The following KREMEN1 variants were observed in gnomAD, a reference collection of about 807,000 sequenced individuals.
KREMEN1 encodes kremen protein 1.
Under a neutral mutation model 46.5 loss-of-function variants are expected in KREMEN1, and 30 were observed. The observed-to-expected ratio is 0.65, with a 90% confidence interval of 0.48 to 0.88. The LOEUF is 0.88. KREMEN1 is among the 40% of genes least tolerant of loss of function. The pLI is 0.00. For missense variants in KREMEN1, 533 were observed against 596.9 expected (o/e 0.89, Z 1.11); for synonymous variants, 214 against 230.6 (o/e 0.93, Z 0.65).
At chr22:29,097,193 C>T (rs750985180) in intron 2 of KREMEN1, among the ~76,000 whole-genome samples, 6 of 152,226 alleles carry the variant, frequency 3.9e-5, no homozygotes, top group Non-Finnish European at 8.8e-5. Flanking sequence ...CCGGCCTAAC[C>T]GGAGTGTCAG....
At position 29,094,342 on chromosome 22, in the gene KREMEN1, A is replaced by G; in HGVS notation, c.182A>G (p.Asn61Ser). ...GGCGGGAAGCCATGTCTGTTTTGGA[A>G]CGAGACTTTCCAGCATCCATACAAC... ...LQGGKPCLFW[N>S]ETFQHPYNTL... The change falls in exon 2 of 9, where the codon AAC (asparagine) becomes AGC (serine). Residue 61 changes from asparagine to serine, a missense_variant. Physicochemically the swap from Asn to Ser is conservative, Grantham distance 46. Transcript: ENST00000400335. The G allele has an allele frequency of 2.5e-6, 4 of 1,614,132 alleles. No homozygotes were observed. The highest frequency in any genetic ancestry group is 2.5e-6 in the Non-Finnish European group (3 of 1,179,986).
chr22:29,124,492 C>CT (rs376062297), intron 4 of KREMEN1, among the ~76,000 whole-genome samples: 191 of 143,514 alleles, frequency 1.3e-3, no homozygotes, highest in Non-Finnish European at 1.3e-3. Context: ...TTGCACAAAT[C>CT]TTTTTTTTTT....
chr22:29,126,196 G>A (rs563291320), intron 5 of KREMEN1, among the ~76,000 whole-genome samples: 19 of 151,770 alleles, frequency 1.3e-4, no homozygotes, highest in South Asian at 2.1e-4. Context: ...GAGGAGGTGC[G>A]CTACTGGCAT....
intron 1 of KREMEN1, among the ~76,000 whole-genome samples, chr22:29,077,639 T>C (rs1434689918): frequency 2.0e-5 from 3 of 152,256 alleles, no homozygotes; most frequent in Non-Finnish European, 4.4e-5. Context: ...TTTAAAATTA[T>C]AGATTTTTTA....
In KREMEN1 at chr22:29,145,556, T is replaced by A. The variant is rs1318469915; in HGVS notation, c.*3444T>A. On this transcript the variant is annotated 3_prime_UTR_variant, in exon 9 of 9. Transcript: ENST00000400335. ...CCGTGGTGACAGTGTCTTGGCCAGCTGTGGCCCCTAGTTTCTAGCAGCGTT... is the reference window on the plus strand; with the variant it reads ...CCGTGGTGACAGTGTCTTGGCCAGCAGTGGCCCCTAGTTTCTAGCAGCGTT... The A allele has an allele frequency of 6.1e-6, 6 of 985,430 alleles. No individual in the cohort carries two copies. Among genetic ancestry groups the A allele is most frequent in the Admixed American group, 6.1e-5 (1 of 16,272 alleles). The allele number at this position is 985,430 out of a possible 1,614,324, so 61.0% of individuals were successfully genotyped here.
In KREMEN1 at chr22:29,100,810, G is replaced by A. The variant is rs117422425; in HGVS notation, c.352+1857G>A. 4.2e-3 allele frequency among the ~76,000 whole-genome samples: 635 copies of A among 152,330 alleles called. 5 individuals are homozygous for A. Among genetic ancestry groups the A allele is most frequent in the Middle Eastern group, 0.01 (3 of 294 alleles). ...TTGTCTCCTTCCAGTGGGACAAAAT[G>A]TGGAGGTGGAAGACAGTGATATTGA... On this transcript the variant is annotated intron_variant, in intron 3 of 8. Transcript: ENST00000400335.
chr22:29,165,140 T>C (rs924962443), intron 9 of KREMEN1, among the ~76,000 whole-genome samples: 1 of 151,816 alleles, frequency 6.6e-6, no homozygotes, highest in South Asian at 2.1e-4. Context: ...GCCATTGCAC[T>C]CCAGCCTGGG....
At chr22:29,130,748 T>C (rs1475456887) in intron 5 of KREMEN1, among the ~76,000 whole-genome samples, 1 of 152,176 alleles carries the variant, frequency 6.6e-6, no homozygotes, top group Non-Finnish European at 1.5e-5. Context: ...AGCAGGAAGA[T>C]TGAAGAGAAT....
intron 3 of KREMEN1, among the ~76,000 whole-genome samples, chr22:29,102,353 G>A (rs1275924342): frequency 6.6e-6 from 1 of 152,192 alleles, no homozygotes; most frequent in Non-Finnish European, 1.5e-5. Context: ...AAGACCAGAA[G>A]AATGGGCTTT....
In KREMEN1 at chr22:29,142,979, G is replaced by A. The variant is rs899250760; in HGVS notation, c.*867G>A. ...AGCCTGGCCAACATGGTGAAACCCCGTCTCTACTAAAAATATAAAAATTAG... is the reference window on the plus strand; with the variant it reads ...AGCCTGGCCAACATGGTGAAACCCCATCTCTACTAAAAATATAAAAATTAG... On this transcript the variant is annotated 3_prime_UTR_variant, in exon 9 of 9. Transcript: ENST00000400335. 3.5e-6 allele frequency: 2 copies of A among 574,312 alleles called. No individual in the cohort carries two copies. Among genetic ancestry groups the A allele is most frequent in the African/African-American group, 2.0e-5 (1 of 49,216 alleles). The allele number at this position is 574,312 out of a possible 1,614,324, so 35.6% of individuals were successfully genotyped here. A position where few individuals can be genotyped will look rare whatever the true frequency, so the allele number is the denominator to read the frequency against.
intron 9 of KREMEN1, chr22:29,166,941 A>T: frequency 1.1e-6 from 1 of 932,988 alleles, no homozygotes; most frequent in Non-Finnish European, 1.7e-6. Flanking sequence ...TCAAAAACAA[A>T]ACAAAAGAGA....
intron 3 of KREMEN1, among the ~76,000 whole-genome samples, chr22:29,102,482 C>T (rs1323910821): frequency 6.6e-6 from 1 of 152,170 alleles, no homozygotes; most frequent in Non-Finnish European, 1.5e-5. Flanking sequence ...ATTTGTTCAA[C>T]ACAAAGATAG....
intron 5 of KREMEN1, among the ~76,000 whole-genome samples, chr22:29,131,560 A>ATATATATGTGTGTG (rs1240832937): frequency 1.0e-4 from 7 of 69,932 alleles, no homozygotes; most frequent in African/African-American, 2.5e-4. Flanking sequence ...ATATATATAT[A>ATATATATGTGTGTG]TGTGTGTGTG....
intron 9 of KREMEN1, among the ~76,000 whole-genome samples, chr22:29,163,934 A>G (rs2039032717): frequency 6.6e-6 from 1 of 151,798 alleles, no homozygotes; most frequent in African/African-American, 2.4e-5. Context: ...AAGTTGAAAA[A>G]AAAAACGAGG....
intron 1 of KREMEN1, among the ~76,000 whole-genome samples, chr22:29,074,143 G>A (rs577204023): frequency 3.3e-5 from 5 of 152,370 alleles, no homozygotes; most frequent in South Asian, 2.1e-4. Context: ...TCTGCCTCGC[G>A]AGGAACGGGA....
In KREMEN1 at chr22:29,073,091, T is replaced by G; in HGVS notation, c.-40T>G. 1.4e-6 allele frequency: 1 copy of G among 699,218 alleles called. No homozygotes were observed. Among genetic ancestry groups the G allele is most frequent in the Non-Finnish European group, 1.8e-6 (1 of 567,964 alleles). The allele number at this position is 699,218 out of a possible 1,614,324, so 43.3% of individuals were successfully genotyped here. ...CCCCCGGCTCCCCGCGCTGCCCCCT[T>G]TACCCCGGGCCGCGCCCCGGGGCCC... is the stretch of plus-strand genomic sequence containing the variant. On this transcript the variant is annotated 5_prime_UTR_variant, in exon 1 of 9. Transcript: ENST00000400335. This position sits in a 1 kb window ranked among gnomAD's most constrained non-coding sequence, Gnocchi z 4.4.
intron 9 of KREMEN1, chr22:29,166,924 C>T (rs554412431): frequency 5.5e-5 from 41 of 742,014 alleles, no homozygotes; most frequent in Non-Finnish European, 8.7e-5. Context: ...CAGAGTGAGG[C>T]CCTGTCTCAA....
chr22:29,144,570 T>A lies in KREMEN1; in HGVS notation c.*2458T>A. 1.0e-6 allele frequency: 1 copy of A among 985,490 alleles called. No homozygotes were observed. Among genetic ancestry groups the A allele is most frequent in the South Asian group, 4.7e-5 (1 of 21,286 alleles). 61.0% of individuals were successfully genotyped at this position (985,490 alleles called of 1,614,324 possible). On this transcript the variant is annotated 3_prime_UTR_variant, in exon 9 of 9. Transcript: ENST00000400335. Reference sequence around the variant, plus strand: ...TGGAAACATACCAACACGTGCAGTCTCCCCTCCAAGCTATTCATGCTGTTT... The same window carrying A: ...TGGAAACATACCAACACGTGCAGTCACCCCTCCAAGCTATTCATGCTGTTT...
chr22:29,096,156 T>TC (rs1470977856), intron 2 of KREMEN1, among the ~76,000 whole-genome samples: 1 of 152,248 alleles, frequency 6.6e-6, no homozygotes, highest in Non-Finnish European at 1.5e-5. Context: ...TTTATTACCT[T>TC]CCCCTAGGTT....
Sources: gnomAD v4.1 joint callset for allele counts (sites outside exome capture counted in the v4.1 genomes callset) on GRCh38, gnomAD v4.1.1 for gene constraint, Gnocchi (gnomAD v3.1) non-coding constraint, MANE v1.5 for transcripts, NCBI Gene and HGNC (gene_info 2026-07-23, HGNC 2026-07-21) for gene names.